Variants in RADIL observed in about 807,000 individuals in gnomAD.
The protein encoded by RADIL is Rap associating with DIL domain, also known as ras-associating and dilute domain-containing protein.
RADIL carries 99 observed loss-of-function variants against 97.6 expected under a neutral mutation model. The ratio of observed to expected loss-of-function variants is 1.01; its 90% CI spans 0.86 to 1.20. The LOEUF (loss-of-function observed/expected upper bound fraction) is 1.20. RADIL is among the 50% of genes most tolerant of loss of function. The pLI, the probability that RADIL is intolerant of heterozygous loss-of-function variation, is 0.00. For synonymous variants in RADIL, 803 were observed against 691.8 expected (o/e 1.16, Z -2.52); for missense variants, 1,765 against 1,498.9 (o/e 1.18, Z -2.93).
chr7:4,825,739 G>A (rs1228342931), intron 5 of RADIL, among the ~76,000 whole-genome samples: 1 of 152,022 alleles, frequency 6.6e-6, no homozygotes, highest in Non-Finnish European at 1.5e-5. Context: ...AGCTGGGCGT[G>A]GTGGCATGTT....
intron 2 of RADIL, among the ~76,000 whole-genome samples, chr7:4,853,883 AT>A (rs1474185548): frequency 1.3e-5 from 2 of 152,172 alleles, no homozygotes; most frequent in African/African-American, 4.8e-5. Flanking sequence ...TCTTAATAGC[AT>A]AAGCCCTAAG....
chr7:4,804,788 T>C (rs960527399), intron 10 of RADIL, among the ~76,000 whole-genome samples: 1 of 140,684 alleles, frequency 7.1e-6, no homozygotes, highest in African/African-American at 2.7e-5. Flanking sequence ...TCTGTCTCAG[T>C]CAATCAATCA....
At position 4,880,016 on chromosome 7, in the gene RADIL, C is replaced by G. The variant is rs147642944; in HGVS notation, c.-64-1813G>C. Among the ~76,000 whole-genome samples, 1 of 152,168 alleles carries G rather than the reference C, an allele frequency of 6.6e-6. No homozygotes were observed. Among genetic ancestry groups the G allele is most frequent in the Non-Finnish European group, 1.5e-5 (1 of 68,024 alleles). On this transcript the variant is annotated intron_variant, in intron 1 of 14. Transcript: ENST00000399583. This position sits in a 1 kb window ranked among gnomAD's most constrained non-coding sequence, Gnocchi z 4.5. ...CACACCAGAGACTGGGTTCCCAACG[C>G]GGACGTCTGCCCTGCGGGGTGGGTG...
intron 5 of RADIL, among the ~76,000 whole-genome samples, chr7:4,831,271 C>G (rs907915320): frequency 2.0e-5 from 3 of 151,216 alleles, no homozygotes; most frequent in Non-Finnish European, 4.4e-5. Context: ...TTATGCTTAG[C>G]AAACTAACAC....
At chr7:4,806,148 T>C (rs2115166857) in intron 9 of RADIL, 1 of 809,136 alleles carries the variant, frequency 1.2e-6, no homozygotes, top group Middle Eastern at 6.4e-4. Flanking sequence ...GGAAAACATT[T>C]GTTTGTTTGC....
intron 2 of RADIL, among the ~76,000 whole-genome samples, chr7:4,855,975 T>C (rs1332682197): frequency 6.6e-6 from 1 of 152,038 alleles, no homozygotes; most frequent in East Asian, 1.9e-4. Context: ...TTTGTATTTT[T>C]AGTAGAGAAA....
intron 12 of RADIL, among the ~76,000 whole-genome samples, 186 bp from the exon 13 acceptor site, chr7:4,800,496 G>A (rs955192321): frequency 1.3e-5 from 2 of 152,126 alleles, no homozygotes; most frequent in Non-Finnish European, 2.9e-5. Flanking sequence ...GTCCGCCCAT[G>A]GGCGACACCC....
In RADIL at chr7:4,802,851, A is replaced by G. The variant is rs553474669; in HGVS notation, c.2499+695T>C. ...GGGCACCTCGGGGAATGCTGGCTGG[A>G]CCCCCTCCCCGGGCACCTCGGGGCA... On this transcript the variant is annotated intron_variant, in intron 11 of 14. Coordinates refer to ENST00000399583, the MANE Select transcript of RADIL (RefSeq NM_018059.5). Among the ~76,000 whole-genome samples the G allele has an allele frequency of 8.3e-3, 314 of 38,054 alleles. 1 individual carries two copies. Among genetic ancestry groups the G allele is most frequent in the South Asian group, 0.018 (15 of 838 alleles). 25.0% of individuals were successfully genotyped at this position (38,054 alleles called of 152,430 possible). A position where few individuals can be genotyped will look rare whatever the true frequency, so the allele number is the denominator to read the frequency against.
Position 4,840,750 on chromosome 7 carries a change from C to T in RADIL, c.536-4145G>A, listed in dbSNP as rs893596641. 3.3e-5 allele frequency among the ~76,000 whole-genome samples: 5 copies of T among 152,166 alleles called. No homozygotes were observed. Among genetic ancestry groups the T allele is most frequent in the Admixed American group, 6.5e-5 (1 of 15,276 alleles). On this transcript the variant is annotated intron_variant, in intron 2 of 14. Coordinates refer to ENST00000399583, the MANE Select transcript of RADIL (RefSeq NM_018059.5). This position sits in a 1 kb window ranked among gnomAD's most constrained non-coding sequence, Gnocchi z 5.6. ...TTGGGAGGCCGAGGCAGGTGGATCA[C>T]GAGGTCAAGAAATCAAGACCATCCT...
intron 2 of RADIL, chr7:4,865,397 G>T: frequency 1.6e-6 from 1 of 627,348 alleles, no homozygotes; most frequent in Non-Finnish European, 2.9e-6. Flanking sequence ...TTTTATTCAA[G>T]AACTCATACA....
At chr7:4,803,849 C>T in intron 10 of RADIL, 95 bp from the exon 11 acceptor site, 1 of 1,151,398 alleles carries the variant, frequency 8.7e-7, no homozygotes, top group Non-Finnish European at 1.3e-6. Flanking sequence ...CAGGGGCCAG[C>T]AGATTGAGCC....
chr7:4,856,509 T>C (rs1783834497), intron 2 of RADIL, among the ~76,000 whole-genome samples: 1 of 152,208 alleles, frequency 6.6e-6, no homozygotes, highest in South Asian at 2.1e-4. Flanking sequence ...TTCTCCCAGC[T>C]TAGGGCCTGT....
At position 4,817,181 on chromosome 7, in the gene RADIL, T is replaced by A. The variant is rs2115189256; in HGVS notation, c.1728+58A>T. On this transcript the variant is annotated intron_variant, in intron 7 of 14. Coordinates refer to ENST00000399583, the MANE Select transcript of RADIL (RefSeq NM_018059.5). The surrounding 1 kb of genome is among the most constrained non-coding windows in gnomAD (Gnocchi z 8.3). ...CTTAGGAGAGCCACAGGCACAAGCT[T>A]GAGCCCCACTTGATCCCAGGAGCTG... is the stretch of plus-strand genomic sequence containing the variant. 6.7e-7 allele frequency: 1 copy of A among 1,484,834 alleles called. No homozygotes were observed. Among genetic ancestry groups the A allele is most frequent in the East Asian group, 2.3e-5 (1 of 43,254 alleles). 92.0% of individuals were successfully genotyped at this position (1,484,834 alleles called of 1,614,324 possible). A position where few individuals can be genotyped will look rare whatever the true frequency, so the allele number is the denominator to read the frequency against.
intron 14 of RADIL, 48 bp downstream of exon 14, chr7:4,799,582 A>C (rs1197782976): frequency 1.2e-6 from 2 of 1,608,088 alleles, no homozygotes; most frequent in South Asian, 1.1e-5. Context: ...CACTCCCCTG[A>C]GCAGGGCATC....
rs1416436791 is a variant in RADIL, at chr7:4,854,548, G to A, written c.536-17943C>T. On this transcript the variant is annotated intron_variant, in intron 2 of 14. Transcript: ENST00000399583. The surrounding 1 kb of genome is among the most constrained non-coding windows in gnomAD (Gnocchi z 5.1). ...GTCTCTACTAAAAATACAAAAATTA[G>A]CTGGGTATGTTGGCGGGCGCCTGTA... Among the ~76,000 whole-genome samples the A allele has an allele frequency of 6.6e-6, 1 of 152,268 alleles. No individual in the cohort carries two copies. The highest frequency in any genetic ancestry group is 6.5e-5 in the Admixed American group (1 of 15,298).
chr7:4,836,940 C>T (rs1236759664), intron 2 of RADIL, among the ~76,000 whole-genome samples: 4 of 151,904 alleles, frequency 2.6e-5, no homozygotes, highest in South Asian at 4.1e-4. Flanking sequence ...CTCCATCCCC[C>T]GCCAAAAAAA....
intron 2 of RADIL, among the ~76,000 whole-genome samples, chr7:4,863,524 C>G (rs1003574228): frequency 1.3e-5 from 2 of 152,170 alleles, no homozygotes; most frequent in African/African-American, 4.8e-5. Context: ...AGTAGATGTT[C>G]TTGTACACTA....
intron 2 of RADIL, among the ~76,000 whole-genome samples, chr7:4,845,751 C>T (rs1783550847): frequency 6.6e-6 from 1 of 152,184 alleles, no homozygotes; most frequent in Non-Finnish European, 1.5e-5. Context: ...ACTCAGGGAA[C>T]AACAATCGCG....
intron 14 of RADIL, 68 bp downstream of exon 14, chr7:4,799,562 A>G: frequency 6.2e-7 from 1 of 1,610,410 alleles, no homozygotes; most frequent in South Asian, 1.1e-5. Flanking sequence ...CCTCTCCTTT[A>G]CCCCAGGTCC....
Sources: gnomAD v4.1 joint callset for allele counts (sites outside exome capture counted in the v4.1 genomes callset) on GRCh38, gnomAD v4.1.1 for gene constraint, Gnocchi (gnomAD v3.1) non-coding constraint, MANE v1.5 for transcripts, NCBI Gene and HGNC (gene_info 2026-07-23, HGNC 2026-07-21) for gene names.